The following THSD7A variants were observed in gnomAD, a reference collection of about 807,000 sequenced individuals.
THSD7A encodes thrombospondin type-1 domain-containing protein 7A.
A neutral mutation model predicts 231.3 loss-of-function variants in THSD7A; 96 were observed. That is an observed-to-expected ratio of 0.41 (90% confidence interval 0.35 to 0.49). The LOEUF (loss-of-function observed/expected upper bound fraction) is 0.49, where lower values mean the gene tolerates loss of function less well. Among genes scored for constraint, THSD7A ranks in the 20% least tolerant of loss-of-function variants. THSD7A has a pLI of 0.05. For synonymous variants in THSD7A, 940 were observed against 743.3 expected (o/e 1.26, Z -4.30); for missense variants, 2,290 against 2,070.2 (o/e 1.11, Z -2.06).
At chr7:11,734,843 A>G (rs189578973) in intron 1 of THSD7A, among the ~76,000 whole-genome samples, 82 of 151,972 alleles carry the variant, frequency 5.4e-4, no homozygotes, top group Non-Finnish European at 9.4e-4. Flanking sequence ...AATTGAATAA[A>G]CCCATTTTTT....
intron 1 of THSD7A, among the ~76,000 whole-genome samples, chr7:11,661,946 G>T (rs1443717449): frequency 6.6e-6 from 1 of 151,110 alleles, no homozygotes; most frequent in African/African-American, 2.4e-5. Flanking sequence ...ATTTTGAGTT[G>T]ACTGTAAGAA....
At chr7:11,784,307 G>A (rs941944045) in intron 1 of THSD7A, among the ~76,000 whole-genome samples, 41 of 150,586 alleles carry the variant, frequency 2.7e-4, no homozygotes, top group African/African-American at 9.3e-4. Flanking sequence ...CCTGAATTTT[G>A]GGATGCATGT....
chr7:11,567,542 A>C (rs1465881995), intron 4 of THSD7A, among the ~76,000 whole-genome samples: 3 of 152,210 alleles, frequency 2.0e-5, no homozygotes, highest in Admixed American at 6.5e-5. Context: ...CTTGATGTTC[A>C]TTCCAAATAG....
chr7:11,601,082 C>G (rs1332163191), intron 2 of THSD7A, among the ~76,000 whole-genome samples: 1 of 152,172 alleles, frequency 6.6e-6, no homozygotes, highest in East Asian at 1.9e-4. Context: ...GAAAGTCATG[C>G]AAAATAATGA....
intron 20 of THSD7A, 117 bp from the exon 21 acceptor site, chr7:11,407,172 G>C (rs2115371510): frequency 6.8e-7 from 1 of 1,479,060 alleles, no homozygotes; most frequent in Non-Finnish European, 9.2e-7. Flanking sequence ...AACAAGTAAG[G>C]CTTAGATGTT....
chr7:11,801,583 A>G (rs1784279836), intron 1 of THSD7A, among the ~76,000 whole-genome samples: 1 of 152,198 alleles, frequency 6.6e-6, no homozygotes, highest in Admixed American at 6.5e-5. Flanking sequence ...AGTCTATATT[A>G]TTAAGTTAAA....
intron 6 of THSD7A, among the ~76,000 whole-genome samples, chr7:11,496,677 AC>A (rs749087185): frequency 6.6e-6 from 1 of 152,194 alleles, no homozygotes; most frequent in Non-Finnish European, 1.5e-5. Context: ...AGCTGCTTAC[AC>A]TAATTTTTAG....
chr7:11,519,466 TATG>T (rs1788172863), intron 6 of THSD7A, among the ~76,000 whole-genome samples: 1 of 152,196 alleles, frequency 6.6e-6, no homozygotes, highest in African/African-American at 2.4e-5. Flanking sequence ...TGGTCAGAAC[TATG>T]TTCACTTCGC....
At chr7:11,378,894 G>A in intron 26 of THSD7A, 176 bp downstream of exon 26, 3 of 634,578 alleles carry the variant, frequency 4.7e-6, no homozygotes, top group Middle Eastern at 4.3e-4. Flanking sequence ...TCAAACATGA[G>A]TTATTTTCCA....
chr7:11,447,297 G>C lies in THSD7A; in HGVS notation c.2733C>G (p.Ser911Arg). ...IPCQDDCQLT[S>R]WSKFSSCNGD... is the part of the protein sequence containing the mutation. ...CATTGCATGAAGAAAACTTGGACCAGCTGGTCAATTGACAGTCATCCTGGC... is the reference window on the plus strand; with the variant it reads ...CATTGCATGAAGAAAACTTGGACCACCTGGTCAATTGACAGTCATCCTGGC... The change falls in exon 12 of 28, where the codon AGC becomes AGG. Residue 911 changes from serine (S) to arginine (R), a missense_variant. By Grantham distance (110) the Ser-to-Arg change is moderately radical. Coordinates refer to ENST00000423059, the MANE Select transcript of THSD7A (RefSeq NM_015204.3). The C allele has an allele frequency of 1.2e-6, 2 of 1,613,122 alleles. No individual in the cohort carries two copies. The highest frequency in any genetic ancestry group is 1.7e-6 in the Non-Finnish European group (2 of 1,179,480).
chr7:11,413,778 A>ATATC (rs1478812116), intron 17 of THSD7A: 1 of 151,974 alleles, frequency 6.6e-6, no homozygotes, highest in South Asian at 2.1e-4. Flanking sequence ...GGCCTTTGAG[A>ATATC]TATCTTTTCC....
chr7:11,798,964 C>T (rs1470351791), intron 1 of THSD7A, among the ~76,000 whole-genome samples: 3 of 151,698 alleles, frequency 2.0e-5, no homozygotes, highest in Non-Finnish European at 2.9e-5. Flanking sequence ...CACTCTGTCA[C>T]CAGGCTGGAG....
chr7:11,685,420 C>T (rs535559278), intron 1 of THSD7A, among the ~76,000 whole-genome samples: 3 of 152,022 alleles, frequency 2.0e-5, no homozygotes, highest in South Asian at 2.1e-4. Flanking sequence ...AAAAAACTGT[C>T]AACAGAGAAA....
Position 11,446,194 on chromosome 7 carries a change from T to C in THSD7A, c.2931A>G (p.Gly977=). The change falls in exon 13 of 28, where the codon GGA becomes GGG. Residue 977 remains glycine, a synonymous_variant. Transcript: ENST00000423059. This position sits in a 1 kb window ranked among gnomAD's most constrained non-coding sequence, Gnocchi z 4.0. ...GNWSDCILPE[G]KVEVLLGMKV... ...TCATTCCCAGCAACACTTCCACTTT[T>C]CCCTCTGGTAAAATACAGTCTGACC... 1.2e-6 allele frequency: 2 copies of C among 1,613,530 alleles called. No homozygotes were observed. Among genetic ancestry groups the C allele is most frequent in the African/African-American group, 1.3e-5 (1 of 75,006 alleles).
Position 11,411,108 on chromosome 7 carries a change from G to A in THSD7A, c.3798+99C>T. On this transcript the variant is annotated intron_variant, in intron 19 of 27. Transcript: ENST00000423059. This position sits in a 1 kb window ranked among gnomAD's most constrained non-coding sequence, Gnocchi z 4.1. ...TGAACAGTGCAGAAAAACATCTGCT[G>A]GCAATGAGCTGCATGGAGCACGGGT... 2.5e-6 allele frequency: 2 copies of A among 798,664 alleles called. No homozygotes were observed. Among genetic ancestry groups the A allele is most frequent in the East Asian group, 5.2e-5 (2 of 38,238 alleles). 49.5% of individuals were successfully genotyped at this position (798,664 alleles called of 1,614,324 possible).
At chr7:11,397,225 C>T (rs1422448767) in intron 23 of THSD7A, among the ~76,000 whole-genome samples, 4 of 152,132 alleles carry the variant, frequency 2.6e-5, no homozygotes, top group Non-Finnish European at 5.9e-5. Context: ...ATATAAAAAC[C>T]AATGGAACAC....
intron 13 of THSD7A, among the ~76,000 whole-genome samples, chr7:11,445,519 A>G (rs369034605): frequency 1.1e-4 from 16 of 149,180 alleles, no homozygotes; most frequent in Admixed American, 2.7e-4. Flanking sequence ...CGTTTGTTTT[A>G]TGTGTGTGTG....
chr7:11,608,793 G>A (rs1359083742), intron 2 of THSD7A, among the ~76,000 whole-genome samples: 1 of 151,904 alleles, frequency 6.6e-6, no homozygotes, highest in African/African-American at 2.4e-5. Flanking sequence ...AACTACAGAA[G>A]TGATTCCTAT....
chr7:11,487,583 A>G (rs1207706095), intron 6 of THSD7A, among the ~76,000 whole-genome samples: 1 of 152,148 alleles, frequency 6.6e-6, no homozygotes, highest in African/African-American at 2.4e-5. Flanking sequence ...AAGACTGGGT[A>G]ATTTATAAAG....
Sources: allele counts gnomAD v4.1 joint callset (sites outside exome capture counted in the v4.1 genomes callset), GRCh38; gene constraint gnomAD v4.1.1; non-coding constraint Gnocchi (gnomAD v3.1); transcripts MANE v1.5; gene names NCBI Gene and HGNC (gene_info 2026-07-23, HGNC 2026-07-21).